The following CDHR4 variants were observed in gnomAD, a reference collection of about 807,000 sequenced individuals.
The protein encoded by CDHR4 is cadherin related family member 4, also known as cadherin-related family member 4.
CDHR4 carries 89 observed loss-of-function variants against 88.4 expected under a neutral mutation model. The observed-to-expected ratio is 1.01, with a 90% CI of 0.85 to 1.20. The LOEUF (loss-of-function observed/expected upper bound fraction) is 1.20, where lower values mean the gene tolerates loss of function less well. Among genes scored for constraint, CDHR4 ranks in the 50% most tolerant of loss-of-function variants. The pLI is 0.00. For missense variants in CDHR4, 914 were observed against 1,007.2 expected (o/e 0.91, Z 1.25); for synonymous variants, 368 against 399.2 (o/e 0.92, Z 0.93).
At chr3:49,801,899 T>C (rs1376831874), upstream of CDHR4, among the ~76,000 whole-genome samples, 5 of 152,214 alleles carry the variant, frequency 3.3e-5, no homozygotes, top group Non-Finnish European at 7.3e-5. Flanking sequence ...AAACAAGGGC[T>C]AGCCCAGGTC....
chr3:49,802,124 T>C (rs1012014954), upstream of CDHR4, among the ~76,000 whole-genome samples: 1 of 147,118 alleles, frequency 6.8e-6, no homozygotes, highest in Non-Finnish European at 1.5e-5. Flanking sequence ...ATGTTCTTCT[T>C]CTCCTTCTTC....
At chr3:49,796,427 C>A (rs755000511) in intron 5 of CDHR4, among the ~76,000 whole-genome samples, 9 of 152,088 alleles carry the variant, frequency 5.9e-5, no homozygotes, top group Non-Finnish European at 7.4e-5. Flanking sequence ...ACCTCCACCC[C>A]CTGGGTTCAA....
At position 49,799,090 on chromosome 3, in the gene CDHR4, A is replaced by C; in HGVS notation, c.307T>G (p.Phe103Val). Residue 103 changes from phenylalanine to valine, a missense_variant, in exon 3 of 19, where the codon TTC (phenylalanine) becomes GTC (valine). By Grantham distance (50) the Phe-to-Val change is conservative (BLOSUM62 -1). Coordinates refer to ENST00000412678, the MANE Select transcript of CDHR4 (RefSeq NM_001007540.4). ...TCCATCACATGGTTGCCACATGTGA[A>C]CTTCAGCTGCACCTTGTAGTGGTTC... ...MVNHYKVQLKFTCGNHVMEGS... is the reference protein window; with the variant it reads ...MVNHYKVQLKVTCGNHVMEGS... 1 of 1,578,838 alleles carries C rather than the reference A, an allele frequency of 6.3e-7. No homozygotes were observed. The highest frequency in any genetic ancestry group is 1.3e-5 in the African/African-American group (1 of 74,170).
chr3:49,794,210 A>T (rs1333825484), intron 10 of CDHR4, among the ~76,000 whole-genome samples: 4 of 152,192 alleles, frequency 2.6e-5, no homozygotes, highest in Non-Finnish European at 5.9e-5. Flanking sequence ...TATCCTGGCT[A>T]ACACAGTGAA....
In CDHR4 at chr3:49,793,601, G is replaced by A; in HGVS notation, c.1605C>T (p.Thr535=). ...NPNHHLSGSC[T]ITIEVEDVND... is the part of the protein sequence containing the mutation. Reference sequence around the variant, plus strand: ...CAATTACCTCAACCTCGATGGTAATGGTACAGGAGCCTGAGAGGTGATGGT... The same window carrying A: ...CAATTACCTCAACCTCGATGGTAATAGTACAGGAGCCTGAGAGGTGATGGT... Residue 535 remains threonine, a synonymous_variant, in exon 12 of 19, where the codon ACC becomes ACT. Coordinates refer to ENST00000412678, the MANE Select transcript of CDHR4 (RefSeq NM_001007540.4). The A allele has an allele frequency of 1.9e-6, 3 of 1,551,760 alleles. No individual in the cohort carries two copies. The highest frequency in any genetic ancestry group is 1.7e-6 in the Non-Finnish European group (2 of 1,147,010).
rs192277856 is a variant in CDHR4 at position 49,795,776 on chromosome 3, G to A, written c.711-12C>T. On this transcript the variant is annotated splice_polypyrimidine_tract_variant and intron_variant, in intron 6 of 18. Coordinates refer to ENST00000412678, the MANE Select transcript of CDHR4 (RefSeq NM_001007540.4). This position sits in a 1 kb window ranked among gnomAD's most constrained non-coding sequence, Gnocchi z 5.4. ...TCTGAGCCTGCTCGCTGGACCAAAA[G>A]GGGGGCACTGGTTCCTGCCCATTCC... 3 of 1,551,574 alleles carry A rather than the reference G, an allele frequency of 1.9e-6. No individual in the cohort carries two copies. The highest frequency in any genetic ancestry group is 4.9e-5 in the East Asian group (2 of 40,924).
chr3:49,791,624 AAG>A, intron 17 of CDHR4, 88 bp downstream of exon 17: 1 of 1,490,948 alleles, frequency 6.7e-7, no homozygotes. Flanking sequence ...TTCATCGGAA[AAG>A]GGGCATGGGA....
rs1427668313 is a variant in CDHR4 at position 49,791,813 on chromosome 3, T to A, written c.2196-12A>T. 1 of 1,551,532 alleles carries A rather than the reference T, an allele frequency of 6.4e-7. No homozygotes were observed. The highest frequency in any genetic ancestry group is 1.4e-5 in the African/African-American group (1 of 73,040). ...CAGTTCCCTGGATGCTGGGGCAAAG[T>A]ACGAGCAAGAGTACAGGGCAAGGCT... On this transcript the variant is annotated splice_polypyrimidine_tract_variant and intron_variant, in intron 16 of 18. Coordinates refer to ENST00000412678, the MANE Select transcript of CDHR4 (RefSeq NM_001007540.4).
In CDHR4 at chr3:49,795,340, G is replaced by T; in HGVS notation, c.887C>A (p.Ala296Asp). The T allele has an allele frequency of 6.4e-7, 1 of 1,551,458 alleles. No individual in the cohort carries two copies. Among genetic ancestry groups the T allele is most frequent in the Middle Eastern group, 1.7e-4 (1 of 5,970 alleles). Residue 296 changes from alanine (A) to aspartate (D), a missense_variant, in exon 8 of 19, where the codon GCT becomes GAT. Coordinates refer to ENST00000412678, the MANE Select transcript of CDHR4 (RefSeq NM_001007540.4). The surrounding 1 kb of genome is among the most constrained non-coding windows in gnomAD (Gnocchi z 5.4). ...VVRTTTPLEL[A>D]RTSGTAVSRL... Reference sequence around the variant, plus strand: ...GGAGACCGCGGTGCCTGAGGTGCGAGCTAACTCTAGGGGCGTGGTGGTCCG... The same window carrying T: ...GGAGACCGCGGTGCCTGAGGTGCGATCTAACTCTAGGGGCGTGGTGGTCCG...
chr3:49,792,912 AT>A lies in CDHR4; in HGVS notation c.1936del (p.Ile646LeufsTer4). 1 of 1,551,484 alleles carries A rather than the reference AT, an allele frequency of 6.4e-7. No individual in the cohort carries two copies. The highest frequency in any genetic ancestry group is 8.7e-7 in the Non-Finnish European group (1 of 1,146,874). On this transcript the variant is annotated frameshift_variant, in exon 14 of 19. Coordinates refer to ENST00000412678, the MANE Select transcript of CDHR4 (RefSeq NM_001007540.4). LOFTEE classifies it high-confidence loss of function. Reference protein sequence around the residue: ...TPHLSTTATIIVHLVPRRAST... With the variant: ...TPHLSTTATIXVHLVPRRAST... ...GGCCCTCCGGGGAACTAGATGCACA[AT>A]AATGGTGGCTGTGGTGCTGAGGTGG...
In CDHR4 at chr3:49,795,925, A is replaced by C; in HGVS notation, c.710+18T>G. ...TAGGCCCTTCCTCCCTCACTGTTCC[A>C]GGGTAGGGGAGCCTTACAGGAAGGA... On this transcript the variant is annotated intron_variant, in intron 6 of 18. Coordinates refer to ENST00000412678, the MANE Select transcript of CDHR4 (RefSeq NM_001007540.4). This position sits in a 1 kb window ranked among gnomAD's most constrained non-coding sequence, Gnocchi z 5.4. 6.6e-7 allele frequency: 1 copy of C among 1,524,832 alleles called. No homozygotes were observed. The highest frequency in any genetic ancestry group is 8.8e-7 in the Non-Finnish European group (1 of 1,133,848). The allele number at this position is 1,524,832 out of a possible 1,614,324, so 94.5% of individuals were successfully genotyped here.
Position 49,792,450 on chromosome 3 carries a change from C to T in CDHR4, c.2138+18G>A, listed in dbSNP as rs1260368215. 6.4e-7 allele frequency: 1 copy of T among 1,551,116 alleles called. No individual in the cohort carries two copies. Among genetic ancestry groups the T allele is most frequent in the African/African-American group, 1.4e-5 (1 of 73,136 alleles). On this transcript the variant is annotated intron_variant, in intron 15 of 18. Transcript: ENST00000412678. Reference sequence around the variant, plus strand: ...GTGGGTTGGGGGCAAGTAGGGAGCACAAGGATAGGATCCCTACCCCTGGAG... The same window carrying T: ...GTGGGTTGGGGGCAAGTAGGGAGCATAAGGATAGGATCCCTACCCCTGGAG...
At chr3:49,802,142 CCTTCTT>C (rs994383349), upstream of CDHR4, among the ~76,000 whole-genome samples, 10 of 151,986 alleles carry the variant, frequency 6.6e-5, no homozygotes, top group African/African-American at 2.4e-4. Context: ...TTCTCCTTCT[CCTTCTT>C]CTCCTTCTCC....
intron 12 of CDHR4, 42 bp from the exon 13 acceptor site, chr3:49,793,353 C>G (rs1346619205): frequency 6.5e-7 from 1 of 1,541,220 alleles, no homozygotes; most frequent in Admixed American, 2.0e-5. Flanking sequence ...GAACCCACCC[C>G]CTAAACCTCT....
At chr3:49,798,496 G>C (rs1376988321) in intron 4 of CDHR4, 8 of 347,788 alleles carry the variant, frequency 2.3e-5, no homozygotes, top group Non-Finnish European at 4.1e-5. Context: ...GCTGAGGCAG[G>C]AGAATGGCAT....
In CDHR4 at chr3:49,799,859, C is replaced by CTGT. The variant is rs780012309; in HGVS notation, c.-50_-48dup. 3 of 1,607,442 alleles carry CTGT rather than the reference C, an allele frequency of 1.9e-6. No individual in the cohort carries two copies. The African/African-American group carries it at 4.0e-5, about 21-fold the overall frequency. On this transcript the variant is annotated 5_prime_UTR_variant, in exon 1 of 19. Coordinates refer to ENST00000412678, the MANE Select transcript of CDHR4 (RefSeq NM_001007540.4). ...GCAGAGGAGGCTTCAGAAAGCTAGG[C>CTGT]TGTTTGTCTGACTCACCCTGTTGCC...
Position 49,790,891 on chromosome 3 carries a change from A to G in CDHR4, c.2312-4T>C. ...AACAGGTAGTCTCTTCCGGTACCTA[A>G]AACCGGTAGGAGAGAGAGGAGAGCA... On this transcript the variant is annotated splice_region_variant and splice_polypyrimidine_tract_variant and intron_variant, in intron 18 of 18. Transcript: ENST00000412678. 1.3e-6 allele frequency: 2 copies of G among 1,550,662 alleles called. No individual in the cohort carries two copies.
In CDHR4 at chr3:49,798,835, G is replaced by A. The variant is rs573011715; in HGVS notation, c.486C>T (p.His162=). The A allele has an allele frequency of 6.1e-5, 98 of 1,613,738 alleles. No homozygotes were observed. The highest frequency in any genetic ancestry group is 1.6e-4 in the African/African-American group (12 of 75,008). ...YTLLLPGLEL[H]GAQMSIISAQ... ...CATGTTCTGGGCTTACCTGCGCTCCGTGGAGTTCTAGGCCTGGGAGGAGCA... is the reference window on the plus strand; with the variant it reads ...CATGTTCTGGGCTTACCTGCGCTCCATGGAGTTCTAGGCCTGGGAGGAGCA... Residue 162 remains histidine, a synonymous_variant, in exon 4 of 19, where the codon CAC becomes CAT. Coordinates refer to ENST00000412678, the MANE Select transcript of CDHR4 (RefSeq NM_001007540.4).
At chr3:49,800,657 G>A (rs2081347951), upstream of CDHR4, among the ~76,000 whole-genome samples, 1 of 152,172 alleles carries the variant, frequency 6.6e-6, no homozygotes, top group Non-Finnish European at 1.5e-5. Flanking sequence ...GAGTTGCTGA[G>A]GATGTTCTAT....
Sources: gnomAD v4.1 joint callset for allele counts (sites outside exome capture counted in the v4.1 genomes callset) on GRCh38, gnomAD v4.1.1 for gene constraint, Gnocchi (gnomAD v3.1) non-coding constraint, MANE v1.5 for transcripts, NCBI Gene and HGNC (gene_info 2026-07-23, HGNC 2026-07-21) for gene names.